Variants in PLD5 observed in about 807,000 individuals in gnomAD.
The protein encoded by PLD5 is inactive phospholipase D5.
Under a neutral mutation model 61.1 loss-of-function variants are expected in PLD5, and 36 were observed. That is an observed-to-expected ratio of 0.59 (90% confidence interval 0.45 to 0.78). The LOEUF is 0.78. Among genes scored for constraint, PLD5 ranks in the 30% least tolerant of loss-of-function variants. The pLI, the probability that PLD5 is intolerant of heterozygous loss-of-function variation, is 0.00. For synonymous variants in PLD5, 243 were observed against 242.8 expected (o/e 1.00, Z -0.01); for missense variants, 515 against 644.4 (o/e 0.80, Z 2.17).
Position 242,209,548 on chromosome 1 carries a change from T to C in PLD5, c.735+10440A>G, listed in dbSNP as rs143231185. Among the ~76,000 whole-genome samples, 61 of 152,340 alleles carry C rather than the reference T, an allele frequency of 4.0e-4. 1 individual carries two copies. In the East Asian group the frequency reaches 0.011, roughly 28 times the overall value. ...GTACTATATCTGTTATGGTGATCTGTGATCAGTTATCTTTGATGTTACTAT... is the reference window on the plus strand; with the variant it reads ...GTACTATATCTGTTATGGTGATCTGCGATCAGTTATCTTTGATGTTACTAT... On this transcript the variant is annotated intron_variant, in intron 5 of 9. Transcript: ENST00000536534.
At chr1:242,375,372 G>C (rs1035060629) in intron 1 of PLD5, among the ~76,000 whole-genome samples, 1 of 152,208 alleles carries the variant, frequency 6.6e-6, no homozygotes, top group African/African-American at 2.4e-5. Context: ...GAGCAGCCCT[G>C]CTGGCTCTGC....
intron 5 of PLD5, among the ~76,000 whole-genome samples, chr1:242,196,981 C>G (rs999761693): frequency 1.3e-5 from 2 of 152,126 alleles, no homozygotes; most frequent in African/African-American, 4.8e-5. Context: ...CCAGGCTGGA[C>G]TCGAACTCCT....
intron 4 of PLD5, among the ~76,000 whole-genome samples, chr1:242,243,931 G>A (rs909496362): frequency 8.5e-5 from 13 of 152,072 alleles, no homozygotes; most frequent in African/African-American, 2.2e-4. Flanking sequence ...TCAAAAACAC[G>A]GTAGTTTTGA....
chr1:242,235,418 T>C (rs1181799998), intron 4 of PLD5: 1 of 152,228 alleles, frequency 6.6e-6, no homozygotes, highest in East Asian at 1.9e-4. Context: ...GTCGGTTCAC[T>C]GTACCCAGCA....
chr1:242,096,752 T>G (rs1312796852), intron 9 of PLD5, among the ~76,000 whole-genome samples: 3 of 151,934 alleles, frequency 2.0e-5, no homozygotes, highest in Non-Finnish European at 4.4e-5. Context: ...TTTATTTTTA[T>G]TTTTATTATA....
chr1:242,207,736 TTTTATATATATTTATATATATTTATA>T (rs1420853148), intron 5 of PLD5, among the ~76,000 whole-genome samples: 1,843 of 95,752 alleles, frequency 0.019, 244 homozygotes, highest in Non-Finnish European at 0.024. Context: ...GAAATCGATG[TTTTATATATATTTATATATATTTATA>T]TTTATATATA....
At chr1:242,243,488 G>T (rs1199856205) in intron 4 of PLD5, among the ~76,000 whole-genome samples, 4 of 152,214 alleles carry the variant, frequency 2.6e-5, no homozygotes, top group Non-Finnish European at 4.4e-5. Flanking sequence ...ACTACCAGAG[G>T]AGACCATTCT....
intron 1 of PLD5, among the ~76,000 whole-genome samples, chr1:242,462,075 A>G (rs959935612): frequency 1.3e-5 from 2 of 152,168 alleles, no homozygotes; most frequent in East Asian, 1.9e-4. Flanking sequence ...CTTTCATTTA[A>G]TTAGGTCCCA....
chr1:242,113,084 C>CTTTTTTTTTTTTTTTTTTTTT (rs71570931), intron 7 of PLD5, among the ~76,000 whole-genome samples: 1 of 110,694 alleles, frequency 9.0e-6, no homozygotes. Flanking sequence ...CTCTCTCTCT[C>CTTTTTTTTTTTTTTTTTTTTT]TTTTTTTTTT....
At chr1:242,422,565 T>C (rs1665202374) in intron 1 of PLD5, among the ~76,000 whole-genome samples, 2 of 152,170 alleles carry the variant, frequency 1.3e-5, no homozygotes, top group African/African-American at 4.8e-5. Context: ...ATGGAATTGA[T>C]TTAGGAAAAA....
At chr1:242,257,694 C>T (rs1673155805) in intron 4 of PLD5, among the ~76,000 whole-genome samples, 1 of 152,164 alleles carries the variant, frequency 6.6e-6, no homozygotes, top group Admixed American at 6.5e-5. Context: ...GTACCCATCC[C>T]ACAATGTATA....
At chr1:242,138,441 AT>A (rs1026308464) in intron 5 of PLD5, among the ~76,000 whole-genome samples, 5 of 150,884 alleles carry the variant, frequency 3.3e-5, no homozygotes, top group South Asian at 2.1e-4. Context: ...ATTAGAAGGG[AT>A]TTTTTTTTTC....
At chr1:242,382,026 T>C (rs1662307661) in intron 1 of PLD5, among the ~76,000 whole-genome samples, 2 of 151,598 alleles carry the variant, frequency 1.3e-5, no homozygotes, top group African/African-American at 4.9e-5. Flanking sequence ...ACTGGAGAGG[T>C]AGCCGACGCA....
intron 1 of PLD5, among the ~76,000 whole-genome samples, chr1:242,442,112 G>A (rs927024191): frequency 6.6e-5 from 10 of 152,174 alleles, no homozygotes; most frequent in African/African-American, 7.2e-5. Context: ...GGCACAAAGT[G>A]TCTAGGGCAT....
intron 1 of PLD5, among the ~76,000 whole-genome samples, chr1:242,496,460 C>T (rs1668372634): frequency 6.6e-6 from 1 of 152,164 alleles, no homozygotes; most frequent in Non-Finnish European, 1.5e-5. Flanking sequence ...CTACCACAGC[C>T]TTATCAAACA....
At chr1:242,370,207 G>C (rs1661556747) in intron 1 of PLD5, among the ~76,000 whole-genome samples, 1 of 152,170 alleles carries the variant, frequency 6.6e-6, no homozygotes, top group Non-Finnish European at 1.5e-5. Flanking sequence ...AGAGACCCTT[G>C]GGAAGTAAAT....
chr1:242,298,837 C>T (rs2494898), intron 2 of PLD5, among the ~76,000 whole-genome samples: 135,098 of 152,130 alleles, frequency 0.89, 60,126 homozygotes, highest in East Asian at 0.94. Flanking sequence ...TAACTACTGA[C>T]CCAGAAAGGA....
intron 5 of PLD5, among the ~76,000 whole-genome samples, chr1:242,181,590 T>C (rs1006828613): frequency 3.9e-5 from 6 of 152,144 alleles, no homozygotes; most frequent in Non-Finnish European, 8.8e-5. Context: ...CCAACACTAT[T>C]CTCGAAGCAG....
intron 2 of PLD5, among the ~76,000 whole-genome samples, chr1:242,306,498 G>C (rs1168950479): frequency 6.6e-6 from 1 of 151,936 alleles, no homozygotes; most frequent in Admixed American, 6.6e-5. Flanking sequence ...ATCAAGTTGT[G>C]AAACTGTTCT....
Sources: gnomAD v4.1 joint callset for allele counts (sites outside exome capture counted in the v4.1 genomes callset) on GRCh38, gnomAD v4.1.1 for gene constraint, MANE v1.5 for transcripts, NCBI Gene and HGNC (gene_info 2026-07-23, HGNC 2026-07-21) for gene names.